L3MBTL4: variants seen among roughly 807,000 people sequenced by gnomAD.
L3MBTL4 encodes the protein L3MBTL histone methyl-lysine binding protein 4.
In L3MBTL4, 70 loss-of-function variants were observed where a neutral mutation model predicts 84.5. That is an observed-to-expected ratio of 0.83 (90% CI 0.68 to 1.01). L3MBTL4 has a LOEUF of 1.01. Ranked by LOEUF, L3MBTL4 falls within the 50% of genes least tolerant of loss-of-function variation. L3MBTL4 has a pLI of 0.00. For synonymous variants in L3MBTL4, 274 were observed against 259.8 expected (o/e 1.05, Z -0.52); for missense variants, 715 against 754.8 (o/e 0.95, Z 0.62).
intron 1 of L3MBTL4, among the ~76,000 whole-genome samples, chr18:6,334,035 AT>A (rs1200988897): frequency 3.9e-5 from 6 of 152,244 alleles, no homozygotes; most frequent in Admixed American, 2.0e-4. Context: ...CATTCTGTAC[AT>A]TTTGACACAT....
intron 18 of L3MBTL4, among the ~76,000 whole-genome samples, chr18:5,958,106 G>GAAGAAGAAGAAGAAGAAGAAGAAGAAA (rs2095240883): frequency 1.4e-4 from 13 of 91,436 alleles, no homozygotes; most frequent in Non-Finnish European, 2.7e-4. Context: ...AGAAGAAGAA[G>GAAGAAGAAGAAGAAGAAGAAGAAGAAA]AAGAAGAAGA....
rs1379022699 is a variant in L3MBTL4 at position 6,073,443 on chromosome 18, TCA to T, written c.1444+7436_1444+7437del. 5.3e-5 allele frequency among the ~76,000 whole-genome samples: 8 copies of T among 152,232 alleles called. No homozygotes were observed. The South Asian group carries it at 8.3e-4, about 16-fold the overall frequency. ...TAAAATTCTTTCAATAAAAAAAACT[TCA>T]GTTTTTTTCCTGTCTGTGAATTCAT... On this transcript the variant is annotated intron_variant, in intron 16 of 18. Coordinates refer to ENST00000317931, the MANE Select transcript of L3MBTL4 (RefSeq NM_001330559.2).
intron 15 of L3MBTL4, among the ~76,000 whole-genome samples, chr18:6,089,135 C>T (rs1371549610): frequency 6.6e-6 from 1 of 151,962 alleles, no homozygotes; most frequent in African/African-American, 2.4e-5. Context: ...AAAAAGTCCC[C>T]CTCAGGCCTG....
At chr18:6,196,909 C>G (rs533751617) in intron 12 of L3MBTL4, among the ~76,000 whole-genome samples, 126 of 152,290 alleles carry the variant, frequency 8.3e-4, no homozygotes, top group Middle Eastern at 6.8e-3. Flanking sequence ...AGGTCAGCCC[C>G]GGCTTTCTCT....
intron 5 of L3MBTL4, chr18:6,259,208 A>G (rs2048289978): frequency 6.6e-6 from 1 of 152,304 alleles, no homozygotes; most frequent in African/African-American, 2.4e-5. Context: ...GAGACAACCC[A>G]TGAGAAGTCA....
intron 16 of L3MBTL4, among the ~76,000 whole-genome samples, chr18:5,976,920 G>C (rs1017121725): frequency 6.6e-6 from 1 of 152,122 alleles, no homozygotes; most frequent in African/African-American, 2.4e-5. Flanking sequence ...CCCAGCTGCT[G>C]TTTCCTTACC....
intron 12 of L3MBTL4, among the ~76,000 whole-genome samples, chr18:6,197,266 C>A (rs1291461699): frequency 1.3e-5 from 2 of 152,230 alleles, no homozygotes; most frequent in Non-Finnish European, 2.9e-5. Context: ...TCCCTCCCCA[C>A]ATCCAACCCC....
intron 10 of L3MBTL4, among the ~76,000 whole-genome samples, chr18:6,220,271 G>A (rs2046496790): frequency 6.6e-6 from 1 of 152,092 alleles, no homozygotes; most frequent in South Asian, 2.1e-4. Context: ...AAAAGCAAGT[G>A]CTTACCATGA....
chr18:5,985,163 C>T (rs1173412675), intron 16 of L3MBTL4, among the ~76,000 whole-genome samples: 2 of 151,898 alleles, frequency 1.3e-5, no homozygotes, highest in Non-Finnish European at 2.9e-5. Flanking sequence ...AGTGAAGATA[C>T]AAAGGAGAAA....
chr18:6,062,540 C>A (rs1447962319), intron 16 of L3MBTL4, among the ~76,000 whole-genome samples: 1 of 151,948 alleles, frequency 6.6e-6, no homozygotes, highest in African/African-American at 2.4e-5. Flanking sequence ...GAAAAATTCT[C>A]AGCCATTATC....
chr18:6,125,772 C>T (rs1358362668), intron 14 of L3MBTL4, among the ~76,000 whole-genome samples: 1 of 152,106 alleles, frequency 6.6e-6, no homozygotes, highest in Non-Finnish European at 1.5e-5. Context: ...AAAAAGCATA[C>T]CTGAATAAAA....
At chr18:6,049,115 G>A (rs968942832) in intron 16 of L3MBTL4, among the ~76,000 whole-genome samples, 1 of 151,908 alleles carries the variant, frequency 6.6e-6, no homozygotes, top group Non-Finnish European at 1.5e-5. Context: ...GGAAGACCCC[G>A]TTCTCCAAAC....
chr18:6,051,162 G>A (rs2056824255), intron 16 of L3MBTL4, among the ~76,000 whole-genome samples: 1 of 152,168 alleles, frequency 6.6e-6, no homozygotes, highest in Admixed American at 6.5e-5. Context: ...AGTCCAGAAG[G>A]ATCCTGACTA....
At chr18:6,021,086 A>G (rs1248471914) in intron 16 of L3MBTL4, among the ~76,000 whole-genome samples, 1 of 152,214 alleles carries the variant, frequency 6.6e-6, no homozygotes, top group Non-Finnish European at 1.5e-5. Context: ...AGTAGATTTC[A>G]AGAAGGTGGG....
At chr18:6,413,589 G>A (rs1434448141) in intron 1 of L3MBTL4, among the ~76,000 whole-genome samples, 1 of 151,004 alleles carries the variant, frequency 6.6e-6, no homozygotes, top group South Asian at 2.1e-4. Context: ...GAAAACCGAA[G>A]AGCCACACTA....
At chr18:6,256,715 A>T (rs2048156499) in intron 5 of L3MBTL4, 1 of 152,172 alleles carries the variant, frequency 6.6e-6, no homozygotes, top group Admixed American at 6.6e-5. Context: ...GGCAGGAGAG[A>T]GGAGGCTGGG....
intron 12 of L3MBTL4, among the ~76,000 whole-genome samples, chr18:6,212,042 G>C (rs1431463008): frequency 6.6e-6 from 1 of 152,116 alleles, no homozygotes; most frequent in African/African-American, 2.4e-5. Context: ...TGCCATAAGA[G>C]TAAACAGTAA....
At chr18:5,967,932 A>G (rs944129916) in intron 17 of L3MBTL4, among the ~76,000 whole-genome samples, 2 of 152,260 alleles carry the variant, frequency 1.3e-5, no homozygotes, top group African/African-American at 4.8e-5. Flanking sequence ...AGACATGCCC[A>G]GAATTCTGCC....
intron 5 of L3MBTL4, among the ~76,000 whole-genome samples, chr18:6,247,528 G>C (rs2046755396): frequency 7.1e-6 from 1 of 140,468 alleles, no homozygotes; most frequent in African/African-American, 2.8e-5. Context: ...ACCCAGGCTG[G>C]AGCGCAATGG....
Sources: allele counts gnomAD v4.1 joint callset (sites outside exome capture counted in the v4.1 genomes callset), GRCh38; gene constraint gnomAD v4.1.1; transcripts MANE v1.5; gene names NCBI Gene and HGNC (gene_info 2026-07-23, HGNC 2026-07-21).